The following USP2 variants were observed in gnomAD, a reference collection of about 807,000 sequenced individuals.
USP2 encodes ubiquitin carboxyl-terminal hydrolase 2.
USP2 carries 33 observed loss-of-function variants against 72.0 expected under a neutral mutation model. The ratio of observed to expected loss-of-function variants is 0.46; its 90% CI spans 0.35 to 0.61. The LOEUF is 0.61. Among genes scored for constraint, USP2 ranks in the 20% least tolerant of loss-of-function variants. USP2 has a pLI of 0.01. For missense variants in USP2, 691 were observed against 797.8 expected (o/e 0.87, Z 1.61); for synonymous variants, 296 against 312.5 (o/e 0.95, Z 0.56).
At chr11:119,360,299 T>G (rs1950742842) in intron 2 of USP2, 65 bp from the exon 3 acceptor site, 1 of 1,557,810 alleles carries the variant, frequency 6.4e-7, no homozygotes, top group African/African-American at 1.4e-5. Context: ...CTGGGCTCTC[T>G]CGTGCAATTT....
intron 1 of USP2, among the ~76,000 whole-genome samples, chr11:119,379,591 A>T (rs1333731858): frequency 6.6e-6 from 1 of 152,206 alleles, no homozygotes; most frequent in African/African-American, 2.4e-5. Context: ...TTCTTTTCTA[A>T]TGGACTTCTA....
intron 1 of USP2, among the ~76,000 whole-genome samples, chr11:119,379,978 G>A (rs1418854240): frequency 1.4e-5 from 2 of 142,118 alleles, no homozygotes; most frequent in East Asian, 2.1e-4. Flanking sequence ...GCAGTGGCGC[G>A]ATCTTGGCTC....
chr11:119,360,501 G>A, intron 2 of USP2: 1 of 503,196 alleles, frequency 2.0e-6, no homozygotes, highest in Middle Eastern at 5.8e-4. Flanking sequence ...TTAGCTCACT[G>A]CAACCTCCAC....
chr11:119,360,060 G>A, intron 3 of USP2, 124 bp downstream of exon 3: 1 of 1,208,196 alleles, frequency 8.3e-7, no homozygotes, highest in South Asian at 1.4e-5. Flanking sequence ...GCCAGGAAGG[G>A]CAAGTGCCAA....
intron 2 of USP2, among the ~76,000 whole-genome samples, chr11:119,368,268 G>GA (rs1950881289): frequency 6.6e-6 from 1 of 152,214 alleles, no homozygotes; most frequent in African/African-American, 2.4e-5. Context: ...GTGGCTTAGT[G>GA]ATCCCGGGGT....
intron 12 of USP2, 53 bp downstream of exon 12, chr11:119,357,134 G>C (rs11217253): frequency 0.72 from 1,129,366 of 1,573,184 alleles, 408,388 homozygotes; most frequent in East Asian, 0.85. Context: ...TGGAGGAGTG[G>C]GGGGAGAGTG....
In USP2 at chr11:119,373,241, C is replaced by G; in HGVS notation, c.240G>C (p.Leu80=). 4.3e-6 allele frequency: 7 copies of G among 1,613,952 alleles called. No individual in the cohort carries two copies. The highest frequency in any genetic ancestry group is 5.9e-6 in the Non-Finnish European group (7 of 1,179,900). Reference sequence around the variant, plus strand: ...CACCCCCAGTGATGTCGGGTCTCAGCAGGGGGCGGCCCCGGTCATAGTCCA... The same window carrying G: ...CACCCCCAGTGATGTCGGGTCTCAGGAGGGGGCGGCCCCGGTCATAGTCCA... The part of the protein sequence containing the change: ...SLLDYDRGRP[L]LRPDITGGGK... The change falls in exon 2 of 13, where the codon CTG becomes CTC. Residue 80 remains leucine (L), a synonymous_variant. Coordinates refer to ENST00000260187, the MANE Select transcript of USP2 (RefSeq NM_004205.5).
intron 2 of USP2, among the ~76,000 whole-genome samples, chr11:119,370,091 C>T (rs949689156): frequency 2.6e-5 from 4 of 152,148 alleles, no homozygotes; most frequent in Non-Finnish European, 5.9e-5. Context: ...AGGAGAATCA[C>T]TTGAACCTGG....
chr11:119,360,139 A>T, intron 3 of USP2, 45 bp downstream of exon 3: 1 of 1,606,230 alleles, frequency 6.2e-7, no homozygotes, highest in East Asian at 2.2e-5. Context: ...CAGTCAGCAT[A>T]GTAGGGGGTG....
chr11:119,361,684 CAAGT>C (rs1950767943), intron 2 of USP2, among the ~76,000 whole-genome samples: 1 of 152,084 alleles, frequency 6.6e-6, no homozygotes. Flanking sequence ...ACCGATCCCA[CAAGT>C]AAGAGGATCC....
intron 7 of USP2, 142 bp downstream of exon 7, chr11:119,358,631 T>G: frequency 9.5e-7 from 1 of 1,047,214 alleles, no homozygotes; most frequent in Non-Finnish European, 1.5e-6. Flanking sequence ...AGCATCTTCT[T>G]TCTTGCTGTT....
Position 119,372,777 on chromosome 11 carries a change from G to C in USP2, c.704C>G (p.Thr235Arg). The change falls in exon 2 of 13, where the codon ACG (threonine) becomes AGG (arginine). Residue 235 changes from threonine to arginine, a missense_variant. By Grantham distance (71) the Thr-to-Arg change is moderately conservative (BLOSUM62 -1). Coordinates refer to ENST00000260187, the MANE Select transcript of USP2 (RefSeq NM_004205.5). ...CTGACCCTTTCCCGTCTCCCACAGCGTGTAGCGGCCAATGGGTCGGTAGGT... is the reference window on the plus strand; with the variant it reads ...CTGACCCTTTCCCGTCTCCCACAGCCTGTAGCGGCCAATGGGTCGGTAGGT... ...SPTYRPIGRY[T>R]LWETGKGQAP... 6.3e-7 allele frequency: 1 copy of C among 1,587,934 alleles called. No individual in the cohort carries two copies. Among genetic ancestry groups the C allele is most frequent in the South Asian group, 1.2e-5 (1 of 85,606 alleles).
At chr11:119,381,299 G>T (rs1158852955) in intron 1 of USP2, among the ~76,000 whole-genome samples, 174 bp downstream of exon 1, 3 of 152,176 alleles carry the variant, frequency 2.0e-5, no homozygotes, top group Non-Finnish European at 2.9e-5. Context: ...CTGTCAGCAG[G>T]CAGCCCTCAC....
Position 119,381,674 on chromosome 11 carries a change from G to A in USP2, c.-243C>T. The A allele has an allele frequency of 1.1e-6, 1 of 949,224 alleles. No homozygotes were observed. The allele number at this position is 949,224 out of a possible 1,614,324, so 58.8% of individuals were successfully genotyped here. On this transcript the variant is annotated 5_prime_UTR_variant, in exon 1 of 13. Transcript: ENST00000260187. ...GGAAATCGGCGCCACCCAGCGGGCAGCCGCCTCATCGCGCCTGGGCCGGCA... is the reference window on the plus strand; with the variant it reads ...GGAAATCGGCGCCACCCAGCGGGCAACCGCCTCATCGCGCCTGGGCCGGCA...
In USP2 at chr11:119,359,352, GGA is replaced by G; in HGVS notation, c.950-12_950-11del. On this transcript the variant is annotated splice_polypyrimidine_tract_variant and intron_variant, in intron 4 of 12. Coordinates refer to ENST00000260187, the MANE Select transcript of USP2 (RefSeq NM_004205.5). ...ATTAGTTTTGCAAACTCTATTGGAA[GGA>G]GAGAGTGTACAGGACAGCTGAGATA... is the stretch of plus-strand genomic sequence containing the variant. The G allele has an allele frequency of 6.2e-7, 1 of 1,610,002 alleles. No homozygotes were observed. Among genetic ancestry groups the G allele is most frequent in the Non-Finnish European group, 8.5e-7 (1 of 1,176,972 alleles).
chr11:119,373,274 G>T lies in USP2; in HGVS notation c.207C>A (p.Ser69=). 6.2e-7 allele frequency: 1 copy of T among 1,613,974 alleles called. No homozygotes were observed. ...GGCCCCGGTCATAGTCCAGGAGGGA[G>T]GAGGGGCCATAGGTACGGGGACGGG... ...FLTRPRTYGP[S]SLLDYDRGRP... is the part of the protein sequence containing the mutation. Residue 69 remains serine, a synonymous_variant, in exon 2 of 13, where the codon TCC becomes TCA. Transcript: ENST00000260187.
chr11:119,366,473 A>G (rs560062977), intron 2 of USP2, among the ~76,000 whole-genome samples: 1 of 152,338 alleles, frequency 6.6e-6, no homozygotes, highest in East Asian at 1.9e-4. Context: ...TTCAGTTTGC[A>G]TGGTGTTAAT....
rs1398292601 is a variant in USP2, at chr11:119,356,770, T to A, written c.*65A>T. ...TGTTGTTGTTGTTGTTTTGTTTTTG[T>A]CTTTTTAAAAAATTTAGGGAGCGGG... On this transcript the variant is annotated 3_prime_UTR_variant, in exon 13 of 13. Coordinates refer to ENST00000260187, the MANE Select transcript of USP2 (RefSeq NM_004205.5). The A allele has an allele frequency of 2.1e-6, 3 of 1,437,532 alleles. No homozygotes were observed. In the African/African-American group the frequency reaches 4.3e-5, roughly 21 times the overall value. 89.0% of individuals were successfully genotyped at this position (1,437,532 alleles called of 1,614,324 possible). A position where few individuals can be genotyped will look rare whatever the true frequency, so the allele number is the denominator to read the frequency against.
In USP2 at chr11:119,359,623, G is replaced by C; in HGVS notation, c.863C>G (p.Thr288Ser). The change falls in exon 4 of 13, where the codon ACT becomes AGT. Residue 288 changes from threonine to serine, a missense_variant. By Grantham distance (58) the Thr-to-Ser change is moderately conservative. Transcript: ENST00000260187. Reference sequence around the variant, plus strand: ...GAGGCAGTAATCTCTCAACTCCCGAGTGTTGCTCAGGCACTGCAGAATTGA... The same window carrying C: ...GAGGCAGTAATCTCTCAACTCCCGACTGTTGCTCAGGCACTGCAGAATTGA... ...MNSILQCLSN[T>S]RELRDYCLQR... 1 of 1,613,974 alleles carries C rather than the reference G, an allele frequency of 6.2e-7. No individual in the cohort carries two copies. The highest frequency in any genetic ancestry group is 1.1e-5 in the South Asian group (1 of 91,080).
Sources: gnomAD v4.1 joint callset for allele counts (sites outside exome capture counted in the v4.1 genomes callset) on GRCh38, gnomAD v4.1.1 for gene constraint, MANE v1.5 for transcripts, NCBI Gene and HGNC (gene_info 2026-07-23, HGNC 2026-07-21) for gene names.